Variants in SHQ1 observed in about 807,000 individuals in gnomAD.
SHQ1 encodes SHQ1, H/ACA ribonucleoprotein assembly factor.
In SHQ1, 49 loss-of-function variants were observed where a neutral mutation model predicts 53.8. The observed-to-expected ratio is 0.91, with a 90% CI of 0.72 to 1.16. The LOEUF (loss-of-function observed/expected upper bound fraction) is 1.16. Among genes scored for constraint, SHQ1 ranks in the 50% most tolerant of loss-of-function variants. The probability of loss-of-function intolerance (pLI) is 0.00; values close to 1 mark genes in which losing one functional copy is unlikely to be tolerated. For synonymous variants in SHQ1, 243 were observed against 251.0 expected (o/e 0.97, Z 0.30); for missense variants, 738 against 683.1 (o/e 1.08, Z -0.90).
intron 4 of SHQ1, among the ~76,000 whole-genome samples, chr3:72,840,833 C>T (rs1023182507): frequency 2.6e-5 from 4 of 152,078 alleles, no homozygotes; most frequent in African/African-American, 9.7e-5. Context: ...AAGAAAGCCA[C>T]GGGGTGTCTG....
rs1293492114 is a variant in SHQ1, at chr3:72,817,480, C to A, written c.728-96G>T. 3 of 1,206,998 alleles carry A rather than the reference C, an allele frequency of 2.5e-6. No individual in the cohort carries two copies. The African/African-American group carries it at 4.6e-5, about 19-fold the overall frequency. The allele number at this position is 1,206,998 out of a possible 1,614,324, so 74.8% of individuals were successfully genotyped here. A position where few individuals can be genotyped will look rare whatever the true frequency, so the allele number is the denominator to read the frequency against. On this transcript the variant is annotated intron_variant, in intron 6 of 10. Coordinates refer to ENST00000325599, the MANE Select transcript of SHQ1 (RefSeq NM_018130.3). ...AAAATTAGAACTTTGATTATAGAAA[C>A]TGAAATAAAAGTTCTTTCTACTTAA...
chr3:72,813,656 G>T (rs1707202983), intron 8 of SHQ1, among the ~76,000 whole-genome samples: 1 of 149,566 alleles, frequency 6.7e-6, no homozygotes, highest in South Asian at 2.1e-4. Flanking sequence ...AGCTACTCGG[G>T]AAGCTGAGGC....
At chr3:72,746,506 A>G (rs567320145), downstream of SHQ1, among the ~76,000 whole-genome samples, 4 of 152,348 alleles carry the variant, frequency 2.6e-5, no homozygotes, top group Admixed American at 1.3e-4. Flanking sequence ...GTAACGTGAT[A>G]TAACAAAGCT....
At chr3:72,767,459 G>A (rs1575680775) in intron 10 of SHQ1, among the ~76,000 whole-genome samples, 1 of 152,270 alleles carries the variant, frequency 6.6e-6, no homozygotes, top group East Asian at 1.9e-4. Context: ...CTATATCACT[G>A]GGCCCAGTCC....
chr3:72,844,617 A>T (rs544418791), intron 1 of SHQ1, among the ~76,000 whole-genome samples, 194 bp from the exon 2 acceptor site: 2 of 152,374 alleles, frequency 1.3e-5, no homozygotes, highest in South Asian at 2.1e-4. Flanking sequence ...GAGATGACTC[A>T]TCTTTCTATT....
intron 8 of SHQ1, 105 bp downstream of exon 8, chr3:72,815,244 CT>C: frequency 1.1e-6 from 1 of 902,378 alleles, no homozygotes; most frequent in Admixed American, 2.0e-5. Flanking sequence ...AGAGCTTCTA[CT>C]TTTAAAAATT....
At chr3:72,739,811 A>G in the SHQ1 span, among the ~76,000 whole-genome samples, 1 of 152,244 alleles carries the variant, frequency 6.6e-6, no homozygotes, top group Non-Finnish European at 1.5e-5. Context: ...AAAGGAAGAC[A>G]GACAAGTGTG....
intron 9 of SHQ1, among the ~76,000 whole-genome samples, chr3:72,797,892 CT>C (rs56688400): frequency 6.6e-6 from 1 of 151,268 alleles, no homozygotes; most frequent in Non-Finnish European, 1.5e-5. Flanking sequence ...TGTGGCTGGG[CT>C]TTTTTTTTCA....
chr3:72,837,720 T>C (rs1708043455), intron 4 of SHQ1, among the ~76,000 whole-genome samples: 1 of 152,240 alleles, frequency 6.6e-6, no homozygotes, highest in Non-Finnish European at 1.5e-5. Flanking sequence ...GATCATCATT[T>C]CAGTTTCTTC....
chr3:72,733,404 G>A, the SHQ1 span, among the ~76,000 whole-genome samples: 7 of 151,394 alleles, frequency 4.6e-5, 1 homozygote, highest in South Asian at 2.1e-4. Flanking sequence ...CACCACTCTG[G>A]TGCAGGGGAT....
At chr3:72,846,255 G>A (rs1708324563) in intron 1 of SHQ1, 2 of 1,535,330 alleles carry the variant, frequency 1.3e-6, no homozygotes, top group Non-Finnish European at 1.7e-6. Context: ...TTCAAGGAGA[G>A]GGACCAGGTT....
rs192344169 is a variant in SHQ1, at chr3:72,767,389, A to T, written c.1182-16553T>A. On this transcript the variant is annotated intron_variant, in intron 10 of 10. Transcript: ENST00000325599. ...TAACTAAAGAGTTGATTACCGACAT[A>T]CAAGTTGAACAAGATGCTGGAAGAT... 3.4e-3 allele frequency among the ~76,000 whole-genome samples: 515 copies of T among 152,336 alleles called. 8 individuals carry two copies. Among genetic ancestry groups the T allele is most frequent in the Middle Eastern group, 0.02 (6 of 294 alleles).
the SHQ1 span, among the ~76,000 whole-genome samples, chr3:72,729,224 A>G: frequency 2.0e-5 from 3 of 152,152 alleles, no homozygotes; most frequent in South Asian, 2.1e-4. Context: ...AGTGGCTCCT[A>G]TTGGGTTTTG....
At chr3:72,775,695 T>C (rs982242983) in intron 10 of SHQ1, among the ~76,000 whole-genome samples, 1 of 152,060 alleles carries the variant, frequency 6.6e-6, no homozygotes, top group African/African-American at 2.4e-5. Flanking sequence ...AAATAATACA[T>C]CATAATCAAG....
intron 6 of SHQ1, among the ~76,000 whole-genome samples, chr3:72,821,959 T>C (rs2106889483): frequency 6.6e-6 from 1 of 152,304 alleles, no homozygotes; most frequent in Middle Eastern, 3.4e-3. Context: ...TGTATAAAAA[T>C]TGTAATTTCA....
chr3:72,769,565 T>C (rs1705802181), intron 10 of SHQ1, among the ~76,000 whole-genome samples: 1 of 152,220 alleles, frequency 6.6e-6, no homozygotes, highest in Non-Finnish European at 1.5e-5. Context: ...TCCCCCTTTC[T>C]TTCTGTGCCT....
In SHQ1 at chr3:72,842,354, TCAA is replaced by T. The variant is rs1179972764; in HGVS notation, c.254_256del (p.Phe85_Glu86delinsTer). 6.2e-7 allele frequency: 1 copy of T among 1,613,780 alleles called. No individual in the cohort carries two copies. Among genetic ancestry groups the T allele is most frequent in the African/African-American group, 1.3e-5 (1 of 74,910 alleles). On this transcript the variant is annotated stop_gained and inframe_deletion, in exon 3 of 11. Coordinates refer to ENST00000325599, the MANE Select transcript of SHQ1 (RefSeq NM_018130.3). LOFTEE classifies it high-confidence loss of function. The stretch of plus-strand genomic sequence containing the variant: ...AAGAGCAGTTAACATGTTCAGCCCC[TCAA>T]AATGCTGGCCAGGGGTTTCTTTGGG...
At chr3:72,743,819 A>T in the SHQ1 span, among the ~76,000 whole-genome samples, 5 of 152,240 alleles carry the variant, frequency 3.3e-5, no homozygotes, top group African/African-American at 1.2e-4. Flanking sequence ...TTTACCCCAC[A>T]GGGAGCAATA....
intron 9 of SHQ1, among the ~76,000 whole-genome samples, chr3:72,801,481 G>C (rs905074340): frequency 3.9e-5 from 6 of 152,104 alleles, no homozygotes; most frequent in African/African-American, 1.4e-4. Flanking sequence ...AGAAGAAATA[G>C]GAGTATATAG....
Sources: gnomAD v4.1 joint callset for allele counts (sites outside exome capture counted in the v4.1 genomes callset) on GRCh38, gnomAD v4.1.1 for gene constraint, MANE v1.5 for transcripts, NCBI Gene and HGNC (gene_info 2026-07-23, HGNC 2026-07-21) for gene names.